ZMYND11: variants seen among roughly 807,000 people sequenced by gnomAD.
The protein encoded by ZMYND11 is zinc finger MYND domain-containing protein 11.
Under a neutral mutation model 84.9 loss-of-function variants are expected in ZMYND11, and 9 were observed. That is an observed-to-expected ratio of 0.11 (90% CI 0.06 to 0.18). The LOEUF is 0.18. Among genes scored for constraint, ZMYND11 ranks in the 10% least tolerant of loss-of-function variants. ZMYND11 has a pLI of 1.00. For synonymous variants in ZMYND11, 250 were observed against 244.1 expected (o/e 1.02, Z -0.23); for missense variants, 409 against 761.0 (o/e 0.54, Z 5.44).
At chr10:210,257 A>C (rs138688348) in intron 3 of ZMYND11, among the ~76,000 whole-genome samples, 1 of 152,218 alleles carries the variant, frequency 6.6e-6, no homozygotes, top group Non-Finnish European at 1.5e-5. Flanking sequence ...CTGCTTCTCT[A>C]TATATTACCT....
chr10:161,765 C>T (rs556918660), intron 1 of ZMYND11, among the ~76,000 whole-genome samples: 4 of 152,220 alleles, frequency 2.6e-5, no homozygotes, highest in East Asian at 1.9e-4. Context: ...TTCATAGAAC[C>T]GAAGAGAGTT....
At chr10:188,702 C>T (rs541593620) in intron 2 of ZMYND11, among the ~76,000 whole-genome samples, 1 of 152,158 alleles carries the variant, frequency 6.6e-6, no homozygotes, top group South Asian at 2.1e-4. Context: ...ACATATATCA[C>T]TTCCTTTTCT....
At chr10:201,840 T>G (rs1943232669) in intron 2 of ZMYND11, among the ~76,000 whole-genome samples, 2 of 152,158 alleles carry the variant, frequency 1.3e-5, no homozygotes, top group African/African-American at 4.8e-5. Flanking sequence ...ATGTATACTT[T>G]AATATTAGAC....
intron 2 of ZMYND11, among the ~76,000 whole-genome samples, chr10:186,017 T>C (rs7090608): frequency 0.25 from 37,049 of 150,982 alleles, 5,644 homozygotes; most frequent in Non-Finnish European, 0.35. Context: ...CTTTTTTTTT[T>C]TTTTTCTTTT....
At chr10:215,667 C>T (rs368648793) in intron 3 of ZMYND11, among the ~76,000 whole-genome samples, 10 of 151,946 alleles carry the variant, frequency 6.6e-5, no homozygotes, top group African/African-American at 1.9e-4. Flanking sequence ...AAGCAATCCT[C>T]CTGCCTCACC....
chr10:223,473 AC>A (rs1947513803), intron 4 of ZMYND11, among the ~76,000 whole-genome samples: 1 of 152,120 alleles, frequency 6.6e-6, no homozygotes, highest in Non-Finnish European at 1.5e-5. Context: ...GTCAATCTAG[AC>A]ATTTTTATAC....
chr10:186,890 G>A (rs960512141), intron 2 of ZMYND11, among the ~76,000 whole-genome samples: 2 of 152,042 alleles, frequency 1.3e-5, no homozygotes, highest in Non-Finnish European at 2.9e-5. Context: ...ATCTCCCCAA[G>A]AAAGAGAGTT....
At chr10:149,021 C>G (rs1248127120) in intron 1 of ZMYND11, among the ~76,000 whole-genome samples, 1 of 151,980 alleles carries the variant, frequency 6.6e-6, no homozygotes, top group Non-Finnish European at 1.5e-5. Context: ...GAAATTTGAA[C>G]TTGAAGAATA....
At chr10:215,817 CAA>C (rs1214930866) in intron 3 of ZMYND11, among the ~76,000 whole-genome samples, 8 of 152,078 alleles carry the variant, frequency 5.3e-5, no homozygotes, top group Non-Finnish European at 1.0e-4. Context: ...CTCAGTGACC[CAA>C]AGTGCTGGAA....
At chr10:242,547 T>C (rs1951215643) in intron 10 of ZMYND11, among the ~76,000 whole-genome samples, 1 of 152,186 alleles carries the variant, frequency 6.6e-6, no homozygotes, top group South Asian at 2.1e-4. Flanking sequence ...GATCTTACAA[T>C]GTGTGTAAAT....
intron 6 of ZMYND11, among the ~76,000 whole-genome samples, chr10:238,388 A>T (rs1241432206): frequency 6.6e-6 from 1 of 151,186 alleles, no homozygotes; most frequent in East Asian, 1.9e-4. Flanking sequence ...ACGGAGTCTC[A>T]CTCTGTCGCC....
At chr10:199,614 TG>T (rs1364716753) in intron 2 of ZMYND11, among the ~76,000 whole-genome samples, 1 of 151,850 alleles carries the variant, frequency 6.6e-6, no homozygotes, top group Non-Finnish European at 1.5e-5. Flanking sequence ...AAATTTTTTT[TG>T]TAGAGACGAG....
At position 180,430 on chromosome 10, in the gene ZMYND11, C is replaced by T. The variant is rs556642032; in HGVS notation, c.116+302C>T. Among the ~76,000 whole-genome samples the T allele has an allele frequency of 5.3e-5, 8 of 152,304 alleles. No individual in the cohort carries two copies. In the East Asian group the frequency reaches 1.4e-3, roughly 26 times the overall value. On this transcript the variant is annotated intron_variant, in intron 2 of 14. Transcript: ENST00000381604. Reference sequence around the variant, plus strand: ...ATTTATTTATTTTGAGACGGAGTCTCATTCTGTTGCCCAGGCTGGAGTGTG... The same window carrying T: ...ATTTATTTATTTTGAGACGGAGTCTTATTCTGTTGCCCAGGCTGGAGTGTG...
intron 1 of ZMYND11, among the ~76,000 whole-genome samples, chr10:143,489 T>C (rs950958190): frequency 6.6e-6 from 1 of 152,212 alleles, no homozygotes; most frequent in South Asian, 2.1e-4. Flanking sequence ...TCAATTAATA[T>C]AAAATATACC....
rs768970406 is a variant in ZMYND11 at position 179,974 on chromosome 10, GT to G, written c.-19-15del. On this transcript the variant is annotated intron_variant, in intron 1 of 14. Coordinates refer to ENST00000381604, the MANE Select transcript of ZMYND11 (RefSeq NM_001370100.5). ...TTTGTAATCTGTTTTTTTCCCTTAT[GT>G]TTTTGTTTATTACTGCAGCTAAAGA... 3 of 1,464,356 alleles carry G rather than the reference GT, an allele frequency of 2.0e-6. No individual in the cohort carries two copies. The East Asian group carries it at 6.8e-5, about 33-fold the overall frequency. 90.7% of individuals were successfully genotyped at this position (1,464,356 alleles called of 1,614,324 possible).
intron 4 of ZMYND11, among the ~76,000 whole-genome samples, chr10:223,587 C>T (rs1947539098): frequency 6.6e-6 from 1 of 152,076 alleles, no homozygotes; most frequent in African/African-American, 2.4e-5. Context: ...GCTCAAAAAC[C>T]CTGTTTTCTA....
chr10:186,262 C>T (rs528308345), intron 2 of ZMYND11, among the ~76,000 whole-genome samples: 7 of 151,850 alleles, frequency 4.6e-5, no homozygotes, highest in South Asian at 2.1e-4. Context: ...CTGCCCGCCT[C>T]GGCCTCCCAA....
chr10:221,712 A>G (rs1293728224), intron 4 of ZMYND11, among the ~76,000 whole-genome samples: 2 of 152,204 alleles, frequency 1.3e-5, no homozygotes, highest in Non-Finnish European at 2.9e-5. Context: ...TATGGTATTC[A>G]GGAAACAGTT....
At chr10:137,342 T>C (rs1329095962) in intron 1 of ZMYND11, among the ~76,000 whole-genome samples, 1 of 151,840 alleles carries the variant, frequency 6.6e-6, no homozygotes, top group African/African-American at 2.4e-5. Context: ...GCAGGTTGGG[T>C]TTTTAGGGAG....
Sources: gnomAD v4.1 joint callset for allele counts (sites outside exome capture counted in the v4.1 genomes callset) on GRCh38, gnomAD v4.1.1 for gene constraint, MANE v1.5 for transcripts, NCBI Gene and HGNC (gene_info 2026-07-23, HGNC 2026-07-21) for gene names.